ITGAD: variants seen among roughly 807,000 people sequenced by gnomAD.
ITGAD encodes the protein integrin subunit alpha D.
In ITGAD, 105 loss-of-function variants were observed where a neutral mutation model predicts 139.0. That is an observed-to-expected ratio of 0.76 (90% confidence interval 0.65 to 0.89). The LOEUF (loss-of-function observed/expected upper bound fraction) is 0.89. Among genes scored for constraint, ITGAD ranks in the 40% least tolerant of loss-of-function variants. The probability of loss-of-function intolerance (pLI) is 0.00; values close to 1 mark genes in which losing one functional copy is unlikely to be tolerated. For synonymous variants in ITGAD, 569 were observed against 598.3 expected (o/e 0.95, Z 0.71); for missense variants, 1,384 against 1,487.3 (o/e 0.93, Z 1.14).
rs2081690154 is a variant in ITGAD, at chr16:31,411,062, G to A, written c.1357-14G>A. On this transcript the variant is annotated splice_polypyrimidine_tract_variant and intron_variant, in intron 12 of 29. Coordinates refer to ENST00000389202, the MANE Select transcript of ITGAD (RefSeq NM_005353.3). Reference sequence around the variant, plus strand: ...GGCTGGGACAGGCAGCATGACCCAGGCTCTGCCCTCCAGATCGGCTCCTAC... The same window carrying A: ...GGCTGGGACAGGCAGCATGACCCAGACTCTGCCCTCCAGATCGGCTCCTAC... 6.2e-7 allele frequency: 1 copy of A among 1,611,872 alleles called. No homozygotes were observed. The highest frequency in any genetic ancestry group is 2.2e-5 in the East Asian group (1 of 44,878).
chr16:31,407,285 C>T (rs897897329), intron 7 of ITGAD, among the ~76,000 whole-genome samples: 31 of 152,128 alleles, frequency 2.0e-4, no homozygotes, highest in East Asian at 1.3e-3. Flanking sequence ...ACCCGGGAGA[C>T]GGAGGTTGCA....
Position 31,424,662 on chromosome 16 carries a change from A to T in ITGAD, c.3372+85A>T. The stretch of plus-strand genomic sequence containing the variant: ...GCCCAGGCTGGAGTGCAATGGCATG[A>T]TCTTGGCTCACTGCAACCTCCACCT... On this transcript the variant is annotated intron_variant, in intron 29 of 29. Coordinates refer to ENST00000389202, the MANE Select transcript of ITGAD (RefSeq NM_005353.3). 6 of 870,600 alleles carry T rather than the reference A, an allele frequency of 6.9e-6. No homozygotes were observed. In the South Asian group the frequency reaches 1.1e-4, roughly 16 times the overall value. 53.9% of individuals were successfully genotyped at this position (870,600 alleles called of 1,614,324 possible).
chr16:31,425,968 A>T, intron 29 of ITGAD, 47 bp from the exon 30 acceptor site: 1 of 1,277,064 alleles, frequency 7.8e-7, no homozygotes, highest in Non-Finnish European at 1.1e-6. Flanking sequence ...GGTGTGAGCC[A>T]CCGGGCCCGG....
At chr16:31,407,345 G>C (rs1228228325) in intron 7 of ITGAD, among the ~76,000 whole-genome samples, 170 bp from the exon 8 acceptor site, 1 of 152,174 alleles carries the variant, frequency 6.6e-6, no homozygotes, top group East Asian at 1.9e-4. Flanking sequence ...ATCAGAGCGA[G>C]ACTCTGTCTC....
chr16:31,422,987 G>A (rs1227716449), intron 23 of ITGAD, 127 bp from the exon 24 acceptor site: 21 of 769,048 alleles, frequency 2.7e-5, no homozygotes, highest in South Asian at 4.6e-5. Flanking sequence ...CACTGTGCCC[G>A]GCCAAATAAT....
At chr16:31,397,720 G>A in intron 4 of ITGAD, 54 bp downstream of exon 4, 2 of 1,561,948 alleles carry the variant, frequency 1.3e-6, no homozygotes, top group Non-Finnish European at 1.7e-6. Context: ...GGGTGTTGTT[G>A]GGGAGGAGGC....
chr16:31,409,003 T>A (rs1028725852), intron 10 of ITGAD, among the ~76,000 whole-genome samples: 2 of 152,000 alleles, frequency 1.3e-5, no homozygotes, highest in African/African-American at 4.8e-5. Context: ...GTTCAAAGGA[T>A]CCAGATGGGG....
At chr16:31,400,812 G>A (rs2037801077) in intron 5 of ITGAD, among the ~76,000 whole-genome samples, 1 of 152,102 alleles carries the variant, frequency 6.6e-6, no homozygotes, top group African/African-American at 2.4e-5. Context: ...CACCATGTTG[G>A]CCAGGCTGGT....
chr16:31,414,660 G>GGAGCAC (rs1369967075), intron 17 of ITGAD, 55 bp downstream of exon 17: 1 of 1,607,034 alleles, frequency 6.2e-7, no homozygotes, highest in Non-Finnish European at 8.5e-7. Context: ...AGGCTGGCCT[G>GGAGCAC]GAGCACCCCC....
rs751923749 is a variant in ITGAD at position 31,407,576 on chromosome 16, A to C, written c.766A>C (p.Ile256Leu). 1.2e-6 allele frequency: 2 copies of C among 1,612,854 alleles called. No homozygotes were observed. The highest frequency in any genetic ancestry group is 2.2e-5 in the South Asian group (2 of 90,990). Residue 256 changes from isoleucine (I) to leucine (L), a missense_variant, in exon 8 of 30, where the codon ATC (isoleucine) becomes CTC (leucine). Ile to Leu is a conservative substitution (Grantham distance 5). Coordinates refer to ENST00000389202, the MANE Select transcript of ITGAD (RefSeq NM_005353.3). Reference protein sequence around the residue: ...RKSAKKILIVITDGQKYKDPL... With the variant: ...RKSAKKILIVLTDGQKYKDPL... ...AAGTGCCAAGAAGATCCTCATTGTC[A>C]TCACAGATGGGCAGAAGTACAAAGA...
At chr16:31,425,396 A>G (rs940198166) in intron 29 of ITGAD, among the ~76,000 whole-genome samples, 1 of 152,130 alleles carries the variant, frequency 6.6e-6, no homozygotes, top group South Asian at 2.1e-4. Context: ...AATGATAATA[A>G]TGCTTATATC....
intron 14 of ITGAD, among the ~76,000 whole-genome samples, chr16:31,411,744 T>C (rs531093969): frequency 1.3e-5 from 2 of 152,380 alleles, no homozygotes; most frequent in East Asian, 3.9e-4. Flanking sequence ...TTCAAATCCC[T>C]GGCCGGGCCG....
chr16:31,425,328 C>T (rs996189957), intron 29 of ITGAD, among the ~76,000 whole-genome samples: 4 of 152,196 alleles, frequency 2.6e-5, no homozygotes, highest in African/African-American at 9.7e-5. Flanking sequence ...ACCTCGGCCT[C>T]CCAAACTGCT....
Position 31,403,392 on chromosome 16 carries a change from G to A in ITGAD, c.559-108G>A. On this transcript the variant is annotated intron_variant, in intron 6 of 29. Coordinates refer to ENST00000389202, the MANE Select transcript of ITGAD (RefSeq NM_005353.3). This position sits in a 1 kb window ranked among gnomAD's most constrained non-coding sequence, Gnocchi z 4.4. The stretch of plus-strand genomic sequence containing the variant: ...CAGCTACTTGGAGGCTGAGGCAGGA[G>A]GATCACTTGAGGCCAGGAGTTTGAG... 1.6e-6 allele frequency: 2 copies of A among 1,289,978 alleles called. No individual in the cohort carries two copies. The highest frequency in any genetic ancestry group is 2.3e-5 in the East Asian group (1 of 42,886). The allele number at this position is 1,289,978 out of a possible 1,614,324, so 79.9% of individuals were successfully genotyped here. A position where few individuals can be genotyped will look rare whatever the true frequency, so the allele number is the denominator to read the frequency against.
At chr16:31,406,855 A>G (rs1347994969) in intron 7 of ITGAD, among the ~76,000 whole-genome samples, 1 of 152,184 alleles carries the variant, frequency 6.6e-6, no homozygotes, top group Non-Finnish European at 1.5e-5. Flanking sequence ...TGAGACAGCT[A>G]CAGCACAGTT....
chr16:31,394,379 C>T (rs1210941918), intron 2 of ITGAD, 38 bp downstream of exon 2: 1 of 1,481,078 alleles, frequency 6.8e-7, no homozygotes. Flanking sequence ...ACCTCCACTA[C>T]ATCAAGTCCT....
At chr16:31,394,430 GA>G in intron 2 of ITGAD, 89 bp downstream of exon 2, 1 of 910,742 alleles carries the variant, frequency 1.1e-6, no homozygotes, top group Non-Finnish European at 1.7e-6. Flanking sequence ...AGGTGTCCTG[GA>G]GGAAGGCCAG....
chr16:31,422,900 C>G (rs552360873), intron 23 of ITGAD, among the ~76,000 whole-genome samples: 1 of 152,064 alleles, frequency 6.6e-6, no homozygotes, highest in Non-Finnish European at 1.5e-5. Context: ...GATGTTGCCC[C>G]AGCTGGTCTG....
chr16:31,397,904 C>A lies in ITGAD; in HGVS notation c.422C>A (p.Thr141Lys). ...ATCATCCAGACAGTCCCCGACGCCA[C>A]GCCAGGTAGGTCCCTGGCAGGCCAT... ...WEIIQTVPDA[T>K]PECPHQEMDI... is the part of the protein sequence containing the mutation. Residue 141 changes from threonine to lysine, a missense_variant, in exon 5 of 30, where the codon ACG becomes AAG. Thr to Lys is a moderately conservative substitution (Grantham distance 78). Coordinates refer to ENST00000389202, the MANE Select transcript of ITGAD (RefSeq NM_005353.3). The A allele has an allele frequency of 6.2e-7, 1 of 1,610,476 alleles. No homozygotes were observed. Among genetic ancestry groups the A allele is most frequent in the Non-Finnish European group, 8.5e-7 (1 of 1,178,268 alleles).
Sources: allele counts gnomAD v4.1 joint callset (sites outside exome capture counted in the v4.1 genomes callset), GRCh38; gene constraint gnomAD v4.1.1; non-coding constraint Gnocchi (gnomAD v3.1); transcripts MANE v1.5; gene names NCBI Gene and HGNC (gene_info 2026-07-23, HGNC 2026-07-21).